KCND3: variants seen among roughly 807,000 people sequenced by gnomAD.
KCND3 encodes A-type voltage-gated potassium channel KCND3.
KCND3 carries 9 observed loss-of-function variants against 51.1 expected under a neutral mutation model. The observed-to-expected ratio is 0.18, with a 90% CI of 0.11 to 0.31. The LOEUF is 0.31. Among genes scored for constraint, KCND3 ranks in the 10% least tolerant of loss-of-function variants. The pLI is 1.00. For missense variants in KCND3, 526 were observed against 903.8 expected (o/e 0.58, Z 5.36); for synonymous variants, 349 against 368.0 (o/e 0.95, Z 0.59).
intron 2 of KCND3, among the ~76,000 whole-genome samples, chr1:111,890,114 T>C (rs567469230): frequency 6.6e-6 from 1 of 152,138 alleles, no homozygotes; most frequent in Non-Finnish European, 1.5e-5. Flanking sequence ...CTGGATGAAA[T>C]GGGGAGGAAT....
chr1:111,852,806 T>G (rs931489004), intron 2 of KCND3, among the ~76,000 whole-genome samples: 2 of 152,186 alleles, frequency 1.3e-5, no homozygotes, highest in African/African-American at 4.8e-5. Context: ...TTAAGCAACA[T>G]TCATTCATCC....
intron 2 of KCND3, among the ~76,000 whole-genome samples, chr1:111,971,310 A>AC (rs992670204): frequency 1.1e-4 from 17 of 148,634 alleles, no homozygotes; most frequent in African/African-American, 4.2e-4. Context: ...AAAAAAAAAA[A>AC]AACACCACAA....
intron 2 of KCND3, among the ~76,000 whole-genome samples, chr1:111,806,904 G>A (rs1665596548): frequency 6.6e-6 from 1 of 152,204 alleles, no homozygotes; most frequent in South Asian, 2.1e-4. Flanking sequence ...GGGTCCTGAA[G>A]TGCTTTACCT....
chr1:111,829,936 C>A (rs1185219511), intron 2 of KCND3, among the ~76,000 whole-genome samples: 1 of 152,110 alleles, frequency 6.6e-6, no homozygotes, highest in Non-Finnish European at 1.5e-5. Flanking sequence ...GTTGCGTTGA[C>A]CCTCTCATGT....
chr1:111,779,413 A>G (rs1211645998), intron 5 of KCND3, among the ~76,000 whole-genome samples: 1 of 152,202 alleles, frequency 6.6e-6, no homozygotes, highest in African/African-American at 2.4e-5. Flanking sequence ...TCCTTAGGGT[A>G]CTGAGCCCTG....
At chr1:111,880,936 C>G (rs960731311) in intron 2 of KCND3, among the ~76,000 whole-genome samples, 1 of 152,130 alleles carries the variant, frequency 6.6e-6, no homozygotes, top group African/African-American at 2.4e-5. Flanking sequence ...CACTTGCTAG[C>G]CTCGGTCTGC....
chr1:111,837,056 CCATA>C (rs1190847405), intron 2 of KCND3, among the ~76,000 whole-genome samples: 1 of 152,166 alleles, frequency 6.6e-6, no homozygotes, highest in African/African-American at 2.4e-5. Context: ...CAGTGCATTT[CCATA>C]TGTATTAAGT....
At chr1:111,876,757 AG>A in intron 2 of KCND3, among the ~76,000 whole-genome samples, 1 of 152,318 alleles carries the variant, frequency 6.6e-6, no homozygotes, top group South Asian at 2.1e-4. Context: ...AGGCAAGAAG[AG>A]GGGGGAAGAG....
At chr1:111,985,540 G>A (rs561381188) in intron 1 of KCND3, among the ~76,000 whole-genome samples, 13 of 152,206 alleles carry the variant, frequency 8.5e-5, no homozygotes, top group Non-Finnish European at 1.9e-4. Context: ...GTAGGTGCTC[G>A]AGCTGGGACC....
At chr1:111,951,157 CAAAAAAA>C (rs71081206) in intron 2 of KCND3, among the ~76,000 whole-genome samples, 828 of 30,608 alleles carry the variant, frequency 0.027, 8 homozygotes, top group African/African-American at 0.08. Context: ...CAAACAAGAG[CAAAAAAA>C]AAAAAAAAAA....
intron 2 of KCND3, among the ~76,000 whole-genome samples, chr1:111,875,875 G>A (rs1460707687): frequency 1.3e-5 from 2 of 152,228 alleles, no homozygotes; most frequent in Non-Finnish European, 2.9e-5. Flanking sequence ...TGTACAAAAT[G>A]TAATAATCTC....
chr1:111,885,381 A>G (rs1461599274), intron 2 of KCND3, among the ~76,000 whole-genome samples: 1 of 152,272 alleles, frequency 6.6e-6, no homozygotes, highest in Non-Finnish European at 1.5e-5. Context: ...TAAGACTGGT[A>G]GACATGAAAC....
intron 2 of KCND3, among the ~76,000 whole-genome samples, chr1:111,925,149 T>C (rs1396589057): frequency 6.6e-6 from 1 of 152,240 alleles, no homozygotes; most frequent in African/African-American, 2.4e-5. Flanking sequence ...ACACCTAGGC[T>C]GCCCATGGCC....
chr1:111,956,665 C>T (rs548857337), intron 2 of KCND3, among the ~76,000 whole-genome samples: 2 of 152,152 alleles, frequency 1.3e-5, no homozygotes, highest in African/African-American at 4.8e-5. Context: ...CCAGCCCTCC[C>T]CCACTTCCAC....
intron 2 of KCND3, among the ~76,000 whole-genome samples, chr1:111,829,111 C>T (rs750699127): frequency 5.9e-5 from 9 of 152,116 alleles, no homozygotes; most frequent in South Asian, 2.1e-4. Context: ...CAAATGGTTG[C>T]GCTGCAGTGT....
chr1:111,776,340 GA>G (rs1157132994), intron 7 of KCND3, 62 bp from the exon 8 acceptor site: 1 of 1,490,918 alleles, frequency 6.7e-7, no homozygotes, highest in Non-Finnish European at 9.2e-7. Context: ...AAGCTTCCTT[GA>G]CCCCCTACAT....
chr1:111,849,613 G>A (rs1489453070), intron 2 of KCND3, among the ~76,000 whole-genome samples: 1 of 152,208 alleles, frequency 6.6e-6, no homozygotes, highest in East Asian at 1.9e-4. Flanking sequence ...GTAGCAGCTC[G>A]GCTTCAAGGC....
intron 6 of KCND3, 48 bp from the exon 7 acceptor site, chr1:111,777,321 G>C: frequency 2.5e-6 from 4 of 1,597,498 alleles, no homozygotes; most frequent in Non-Finnish European, 3.4e-6. Context: ...GTAGGGAGGA[G>C]AGAGGTAAGC....
At chr1:111,848,626 C>T (rs530759521) in intron 2 of KCND3, among the ~76,000 whole-genome samples, 6 of 152,242 alleles carry the variant, frequency 3.9e-5, no homozygotes, top group Non-Finnish European at 7.3e-5. Flanking sequence ...CAGAGCCACA[C>T]AGGCTTGGTT....
Sources: allele counts gnomAD v4.1 joint callset (sites outside exome capture counted in the v4.1 genomes callset), GRCh38; gene constraint gnomAD v4.1.1; transcripts MANE v1.5; gene names NCBI Gene and HGNC (gene_info 2026-07-23, HGNC 2026-07-21).